OGG1: variants seen among roughly 807,000 people sequenced by gnomAD.
The protein encoded by OGG1 is N-glycosylase/DNA lyase.
A neutral mutation model predicts 42.3 loss-of-function variants in OGG1; 35 were observed. The observed-to-expected ratio is 0.83, with a 90% CI of 0.63 to 1.10. OGG1 has a LOEUF of 1.10. Among genes scored for constraint, OGG1 ranks in the 50% least tolerant of loss-of-function variants. OGG1 has a pLI of 0.00. For synonymous variants in OGG1, 189 were observed against 179.0 expected (o/e 1.06, Z -0.44); for missense variants, 484 against 446.7 (o/e 1.08, Z -0.75).
In OGG1 at chr3:9,779,613, AC is replaced by A. The variant is rs2078414711; in HGVS notation, c.295-1898del. Among the ~76,000 whole-genome samples the A allele has an allele frequency of 9.9e-5, 15 of 152,158 alleles. No individual in the cohort carries two copies. In the South Asian group the frequency reaches 2.9e-3, roughly 29 times the overall value. On this transcript the variant is annotated intron_variant, in intron 2 of 3. Transcript: ENST00000426518. ...TGGCACATGTATACATATGTAACAAACCTGCACGTTGTACACATGTACCCTA... is the reference window on the plus strand; with the variant it reads ...TGGCACATGTATACATATGTAACAAACTGCACGTTGTACACATGTACCCTA...
chr3:9,763,479 A>C (rs1269796286), intron 7 of OGG1, among the ~76,000 whole-genome samples: 5 of 151,712 alleles, frequency 3.3e-5, no homozygotes. Flanking sequence ...CACTGCCTAC[A>C]TACCTGGGTA....
At chr3:9,766,924 C>G (rs1239939555), downstream of OGG1, among the ~76,000 whole-genome samples, 5 of 152,114 alleles carry the variant, frequency 3.3e-5, no homozygotes, top group Admixed American at 2.6e-4. Flanking sequence ...CAATATCCAG[C>G]CTCCCTGGCC....
downstream of OGG1, chr3:9,789,587 A>C: frequency 6.2e-7 from 1 of 1,614,158 alleles, no homozygotes; most frequent in Non-Finnish European, 8.5e-7. Context: ...TGATGTCAGC[A>C]CAGTAGGGCT....
intron 3 of OGG1, chr3:9,783,777 C>CA (rs1290253499): frequency 5.2e-3 from 2,879 of 550,606 alleles, no homozygotes; most frequent in Middle Eastern, 7.2e-3. Context: ...GACTCCCTCT[C>CA]AAAAAAAAAC....
chr3:9,750,555 G>A (rs2077252978), intron 1 of OGG1, 132 bp downstream of exon 1: 1 of 1,288,470 alleles, frequency 7.8e-7, no homozygotes, highest in Non-Finnish European at 1.1e-6. Flanking sequence ...AAACAAGCAC[G>A]GGTAGCCAAC....
downstream of OGG1, chr3:9,761,545 G>A: frequency 6.2e-7 from 1 of 1,613,316 alleles, no homozygotes; most frequent in Non-Finnish European, 8.5e-7. Context: ...GGCTGTGGAG[G>A]GAAGAGGACG....
At chr3:9,784,860 A>G (rs1252584672) in intron 3 of OGG1, among the ~76,000 whole-genome samples, 1 of 150,748 alleles carries the variant, frequency 6.6e-6, no homozygotes, top group Non-Finnish European at 1.5e-5. Context: ...GCGAGACTCC[A>G]TCTCAAAAAA....
chr3:9,780,299 A>AG, intron 2 of OGG1: 1 of 1,530,400 alleles, frequency 6.5e-7, no homozygotes, highest in Non-Finnish European at 8.8e-7. Flanking sequence ...CAAAGAAGGA[A>AG]GTGGGCCTCC....
At chr3:9,764,993 G>A (rs615506) in intron 7 of OGG1, among the ~76,000 whole-genome samples, 3 of 151,942 alleles carry the variant, frequency 2.0e-5, no homozygotes, top group Admixed American at 1.3e-4. Flanking sequence ...TTGGGAGGCC[G>A]AGGCGGGTGG....
intron 2 of OGG1, among the ~76,000 whole-genome samples, chr3:9,776,840 T>A (rs2078372131): frequency 6.6e-6 from 1 of 152,018 alleles, no homozygotes; most frequent in African/African-American, 2.4e-5. Flanking sequence ...AGTGGAGGTG[T>A]GTGGATGGAG....
At position 9,756,501 on chromosome 3, in the gene OGG1, G is replaced by C; in HGVS notation, c.778G>C (p.Asp260His). Reference sequence around the variant, plus strand: ...TGACTGCATCTGCCTGATGGCCCTAGACAAGCCCCAGGCTGTGCCCGTGGA... The same window carrying C: ...TGACTGCATCTGCCTGATGGCCCTACACAAGCCCCAGGCTGTGCCCGTGGA... ...VADCICLMAL[D>H]KPQAVPVDVH... Residue 260 changes from aspartate to histidine, a missense_variant, in exon 5 of 7, where the codon GAC becomes CAC. By Grantham distance (81) the Asp-to-His change is moderately conservative. Coordinates refer to ENST00000344629, the MANE Select transcript of OGG1 (RefSeq NM_002542.6). The C allele has an allele frequency of 1.2e-6, 2 of 1,614,168 alleles. No homozygotes were observed. The highest frequency in any genetic ancestry group is 1.7e-6 in the Non-Finnish European group (2 of 1,180,038).
downstream of OGG1, chr3:9,759,216 C>T: frequency 6.2e-7 from 1 of 1,614,104 alleles, no homozygotes; most frequent in Non-Finnish European, 8.5e-7. Flanking sequence ...CTTTTATGAC[C>T]TTTCTCGGAC....
Position 9,750,125 on chromosome 3 carries a change from G to A in OGG1, c.-162G>A. On this transcript the variant is annotated 5_prime_UTR_variant, in exon 1 of 7. The change abolishes an upstream ATG in the 5' untranslated region. Transcript: ENST00000344629. ...TGATGACCCGCAAAGGGCGAGGCAT[G>A]CAGGAGGTGGAGGAATTAAGTGAAA... 1 of 909,764 alleles carries A rather than the reference G, an allele frequency of 1.1e-6. No homozygotes were observed. The highest frequency in any genetic ancestry group is 1.7e-5 in the South Asian group (1 of 58,400). The allele number at this position is 909,764 out of a possible 1,614,324, so 56.4% of individuals were successfully genotyped here. A position where few individuals can be genotyped will look rare whatever the true frequency, so the allele number is the denominator to read the frequency against.
At chr3:9,759,879 C>T (rs2077766486), downstream of OGG1, 5 of 1,483,668 alleles carry the variant, frequency 3.4e-6, no homozygotes, top group South Asian at 1.2e-5. Context: ...CCATGCCCCA[C>T]CCCACCCAAC....
chr3:9,755,465 C>CT (rs60075191), intron 4 of OGG1, among the ~76,000 whole-genome samples: 36,090 of 136,336 alleles, frequency 0.26, 5,255 homozygotes, highest in East Asian at 0.49. Context: ...AGGCATTTGT[C>CT]TTTTTTTTTT....
intron 3 of OGG1, chr3:9,786,992 G>C (rs7621556): frequency 0.22 from 353,714 of 1,609,042 alleles, 42,274 homozygotes; most frequent in East Asian, 0.5. Flanking sequence ...CCTCTTTTGG[G>C]TTAGGCTGCT....
At chr3:9,790,730 A>G (rs558605069), downstream of OGG1, among the ~76,000 whole-genome samples, 1 of 152,352 alleles carries the variant, frequency 6.6e-6, no homozygotes, top group African/African-American at 2.4e-5. Flanking sequence ...AATCCTCACA[A>G]AAGCACTAAG....
intron 2 of OGG1, among the ~76,000 whole-genome samples, chr3:9,778,508 C>T (rs1243898683): frequency 1.3e-5 from 2 of 152,166 alleles, no homozygotes; most frequent in African/African-American, 4.8e-5. Context: ...AGGGAGGATC[C>T]GGTGGCTTCA....
chr3:9,760,850 TCAGG>T, downstream of OGG1: 1 of 1,589,334 alleles, frequency 6.3e-7, no homozygotes, highest in African/African-American at 1.3e-5. Context: ...GTCTCAGGGG[TCAGG>T]CAGGAGCCAT....
Sources: gnomAD v4.1 joint callset for allele counts (sites outside exome capture counted in the v4.1 genomes callset) on GRCh38, gnomAD v4.1.1 for gene constraint, MANE v1.5 for transcripts, NCBI Gene and HGNC (gene_info 2026-07-23, HGNC 2026-07-21) for gene names.